ZDHHC2: variants seen among roughly 807,000 people sequenced by gnomAD.
The protein encoded by ZDHHC2 is palmitoyltransferase ZDHHC2.
Under a neutral mutation model 55.6 loss-of-function variants are expected in ZDHHC2, and 51 were observed. The observed-to-expected ratio is 0.92, with a 90% confidence interval of 0.73 to 1.16. ZDHHC2 has a LOEUF of 1.16. Ranked by LOEUF, ZDHHC2 falls within the 50% of genes most tolerant of loss-of-function variation. ZDHHC2 has a pLI of 0.00. For synonymous variants in ZDHHC2, 199 were observed against 152.9 expected (o/e 1.30, Z -2.22); for missense variants, 491 against 442.4 (o/e 1.11, Z -0.99).
chr8:17,158,743 C>T (rs943324909), intron 1 of ZDHHC2, among the ~76,000 whole-genome samples: 31 of 152,312 alleles, frequency 2.0e-4, no homozygotes, highest in African/African-American at 7.2e-4. Flanking sequence ...GCCTAAGTGG[C>T]GTGGCCTGTT....
intron 1 of ZDHHC2, among the ~76,000 whole-genome samples, chr8:17,177,247 G>T (rs1805187827): frequency 6.6e-6 from 1 of 152,190 alleles, no homozygotes. Context: ...GATTGCAGTG[G>T]AATGCTGGGG....
At chr8:17,164,249 TA>T (rs1463583573) in intron 1 of ZDHHC2, among the ~76,000 whole-genome samples, 1 of 152,138 alleles carries the variant, frequency 6.6e-6, no homozygotes, top group Non-Finnish European at 1.5e-5. Context: ...TGAAGTGTTA[TA>T]AAATCCATTT....
At position 17,191,260 on chromosome 8, in the gene ZDHHC2, C is replaced by A. The variant is rs373032574; in HGVS notation, c.253-4244C>A. ...CAGGCATGAGCCATGGCACCTGGCC[C>A]AAATTTTTGTATTTTTAATAGAGAT... On this transcript the variant is annotated intron_variant, in intron 3 of 12. Transcript: ENST00000262096. Among the ~76,000 whole-genome samples, 221 of 152,058 alleles carry A rather than the reference C, an allele frequency of 1.5e-3. 1 individual carries two copies. The highest frequency in any genetic ancestry group is 4.8e-3 in the African/African-American group (198 of 41,486).
At chr8:17,201,872 A>G (rs1197231626) in intron 6 of ZDHHC2, among the ~76,000 whole-genome samples, 2 of 151,998 alleles carry the variant, frequency 1.3e-5, no homozygotes, top group Non-Finnish European at 2.9e-5. Flanking sequence ...TATTTGAAAC[A>G]TTGGATCAAC....
At chr8:17,158,681 T>A (rs372358062) in intron 1 of ZDHHC2, among the ~76,000 whole-genome samples, 8 of 152,358 alleles carry the variant, frequency 5.3e-5, no homozygotes, top group African/African-American at 1.9e-4. Context: ...TCCGCATCAG[T>A]ATTTTAGTAA....
intron 12 of ZDHHC2, among the ~76,000 whole-genome samples, chr8:17,219,266 A>AAAAAAT (rs1399212497): frequency 4.0e-5 from 6 of 150,694 alleles, no homozygotes; most frequent in Non-Finnish European, 8.9e-5. Flanking sequence ...AAAAAAAAAA[A>AAAAAAT]AAAAAAAAAA....
intron 6 of ZDHHC2, 124 bp from the exon 7 acceptor site, chr8:17,205,531 T>A: frequency 9.0e-7 from 1 of 1,117,144 alleles, no homozygotes. Context: ...AGAAATCTTA[T>A]GAGTTATATT....
intron 4 of ZDHHC2, among the ~76,000 whole-genome samples, chr8:17,196,180 A>G (rs1400628526): frequency 6.6e-6 from 1 of 152,152 alleles, no homozygotes; most frequent in East Asian, 1.9e-4. Context: ...CCACTTAAAC[A>G]GTTGTCTTAA....
chr8:17,215,209 T>C, intron 10 of ZDHHC2, 28 bp from the exon 11 acceptor site: 3 of 1,534,994 alleles, frequency 2.0e-6, no homozygotes, highest in Non-Finnish European at 2.6e-6. Flanking sequence ...CTTATGATGA[T>C]TTTGATGATT....
intron 7 of ZDHHC2, 144 bp downstream of exon 7, chr8:17,205,919 A>G: frequency 2.5e-6 from 2 of 789,778 alleles, no homozygotes; most frequent in Non-Finnish European, 3.8e-6. Flanking sequence ...CAGATTCTTT[A>G]TTTGTTAATT....
chr8:17,208,106 T>C lies in ZDHHC2; in HGVS notation c.730+14T>C. 6.5e-7 allele frequency: 1 copy of C among 1,545,310 alleles called. No homozygotes were observed. The highest frequency in any genetic ancestry group is 1.2e-5 in the South Asian group (1 of 80,890). On this transcript the variant is annotated intron_variant, in intron 8 of 12. Transcript: ENST00000262096. ...AATCTACATTAGGTGAGTATCCAAT[T>C]ATTGTAGTTGACAGAACTTTAAATA...
intron 1 of ZDHHC2, among the ~76,000 whole-genome samples, chr8:17,165,374 G>A (rs189515938): frequency 3.0e-4 from 45 of 152,136 alleles, no homozygotes; most frequent in Admixed American, 1.2e-3. Context: ...TAAAGGGCAG[G>A]GACCAGTTTG....
chr8:17,205,836 C>G (rs1184275680), intron 7 of ZDHHC2, 61 bp downstream of exon 7: 1 of 1,465,296 alleles, frequency 6.8e-7, no homozygotes, highest in Admixed American at 2.4e-5. Flanking sequence ...ATAGGCTTTT[C>G]AGAACAGAAT....
chr8:17,180,798 A>G (rs551720337), intron 1 of ZDHHC2, among the ~76,000 whole-genome samples: 11 of 152,308 alleles, frequency 7.2e-5, no homozygotes, highest in African/African-American at 9.6e-5. Context: ...TGGTGCTATT[A>G]TGCTTAGTAA....
chr8:17,213,519 C>A (rs1807491016), intron 10 of ZDHHC2, among the ~76,000 whole-genome samples: 1 of 152,148 alleles, frequency 6.6e-6, no homozygotes, highest in Non-Finnish European at 1.5e-5. Flanking sequence ...TCCCAAAGTG[C>A]TGGGATTACA....
chr8:17,168,440 T>A (rs1322867751), intron 1 of ZDHHC2, among the ~76,000 whole-genome samples: 2 of 152,228 alleles, frequency 1.3e-5, no homozygotes, highest in East Asian at 3.8e-4. Context: ...AATTTGTGGT[T>A]TGAGAATAAG....
At chr8:17,159,267 C>G (rs147023664) in intron 1 of ZDHHC2, among the ~76,000 whole-genome samples, 140 of 152,296 alleles carry the variant, frequency 9.2e-4, no homozygotes, top group African/African-American at 3.1e-3. Context: ...GATTCTTTTT[C>G]TCTTGGAAGT....
intron 4 of ZDHHC2, among the ~76,000 whole-genome samples, chr8:17,197,114 T>A (rs925319577): frequency 1.3e-5 from 2 of 152,142 alleles, no homozygotes; most frequent in African/African-American, 4.8e-5. Flanking sequence ...CTGCAGAAAT[T>A]TAAGCCCCCT....
At chr8:17,196,127 A>G (rs1292973080) in intron 4 of ZDHHC2, among the ~76,000 whole-genome samples, 1 of 152,134 alleles carries the variant, frequency 6.6e-6, no homozygotes, top group Non-Finnish European at 1.5e-5. Flanking sequence ...TAAATTAACA[A>G]ATCTCTTACT....
Sources: allele counts gnomAD v4.1 joint callset (sites outside exome capture counted in the v4.1 genomes callset), GRCh38; gene constraint gnomAD v4.1.1; transcripts MANE v1.5; gene names NCBI Gene and HGNC (gene_info 2026-07-23, HGNC 2026-07-21).